The following CNTNAP3B variants were observed in gnomAD, a reference collection of about 807,000 sequenced individuals.
The protein encoded by CNTNAP3B is contactin-associated protein-like 3B.
CNTNAP3B carries 25 observed loss-of-function variants against 108.9 expected under a neutral mutation model. The observed-to-expected ratio is 0.23, with a 90% confidence interval of 0.17 to 0.32. The LOEUF (loss-of-function observed/expected upper bound fraction) is 0.32. Ranked by LOEUF, CNTNAP3B falls within the 10% of genes least tolerant of loss-of-function variation. The pLI is 1.00. For synonymous variants in CNTNAP3B, 103 were observed against 473.4 expected (o/e 0.22, Z 10.16); for missense variants, 252 against 1,210.4 (o/e 0.21, Z 11.75).
intron 13 of CNTNAP3B, among the ~76,000 whole-genome samples, chr9:41,940,187 A>G (rs1333760345): frequency 6.6e-6 from 1 of 152,302 alleles, no homozygotes; most frequent in Non-Finnish European, 1.5e-5. Flanking sequence ...AGAGTACTGA[A>G]AAAATACTGG....
intron 17 of CNTNAP3B, among the ~76,000 whole-genome samples, chr9:41,921,594 TC>T (rs1823668613): frequency 6.6e-6 from 1 of 152,270 alleles, no homozygotes; most frequent in Non-Finnish European, 1.5e-5. Flanking sequence ...TCTGTGTAGC[TC>T]CTACGTTAGA....
chr9:41,967,251 G>A (rs1202550458), intron 10 of CNTNAP3B, among the ~76,000 whole-genome samples: 1 of 152,246 alleles, frequency 6.6e-6, no homozygotes, highest in Non-Finnish European at 1.5e-5. Context: ...GGGAACCTGT[G>A]GGAGGTAACT....
intron 13 of CNTNAP3B, among the ~76,000 whole-genome samples, chr9:41,938,780 T>C (rs1324203010): frequency 6.6e-6 from 1 of 152,300 alleles, no homozygotes; most frequent in African/African-American, 2.4e-5. Flanking sequence ...TGAGAAAGTT[T>C]AATATTATAC....
intron 1 of CNTNAP3B, among the ~76,000 whole-genome samples, chr9:42,108,683 C>T (rs62558877): frequency 0.01 from 1,336 of 128,278 alleles, 192 homozygotes; most frequent in Non-Finnish European, 0.013. Context: ...TTTTGGCTTG[C>T]TGCACTTCCT....
intron 13 of CNTNAP3B, among the ~76,000 whole-genome samples, chr9:41,947,807 C>G (rs1201518953): frequency 6.6e-6 from 1 of 152,230 alleles, no homozygotes; most frequent in Non-Finnish European, 1.5e-5. Context: ...AAAGATGAGA[C>G]AAACTATGAA....
At chr9:41,924,703 T>C (rs1401434174) in intron 15 of CNTNAP3B, among the ~76,000 whole-genome samples, 13 of 150,820 alleles carry the variant, frequency 8.6e-5, no homozygotes, top group Middle Eastern at 3.4e-3. Flanking sequence ...TCTTAATTCC[T>C]TTCATGGCAA....
chr9:42,098,227 A>G (rs1344289527), intron 2 of CNTNAP3B, among the ~76,000 whole-genome samples: 1 of 135,082 alleles, frequency 7.4e-6, no homozygotes, highest in Non-Finnish European at 1.6e-5. Context: ...GAGAAGCAGA[A>G]ACTCTTTGTC....
At chr9:42,054,660 A>G (rs1436161453) in intron 3 of CNTNAP3B, among the ~76,000 whole-genome samples, 2 of 151,724 alleles carry the variant, frequency 1.3e-5, no homozygotes, top group East Asian at 3.9e-4. Context: ...CATTCATTCA[A>G]CATTAAACAT....
At chr9:41,944,034 G>A (rs1301691656) in intron 13 of CNTNAP3B, among the ~76,000 whole-genome samples, 1 of 151,840 alleles carries the variant, frequency 6.6e-6, no homozygotes, top group African/African-American at 2.4e-5. Context: ...AGAAAGTGAA[G>A]TGAAATATTT....
Position 42,121,418 on chromosome 9 carries a change from G to T in CNTNAP3B, c.85+7592C>A, listed in dbSNP as rs1490730121. On this transcript the variant is annotated intron_variant, in intron 1 of 23. Coordinates refer to ENST00000377561, the MANE Select transcript of CNTNAP3B (RefSeq NM_001201380.3). ...CAGTGGACTTTCCAGAATGGAATGT[G>T]GGCAGTATTCTAAAATACTAAATAA... Among the ~76,000 whole-genome samples, 5 of 138,740 alleles carry T rather than the reference G, an allele frequency of 3.6e-5. 1 individual carries two copies. Among genetic ancestry groups the T allele is most frequent in the African/African-American group, 8.6e-5 (3 of 34,980 alleles). 91.0% of individuals were successfully genotyped at this position (138,740 alleles called of 152,430 possible). A position where few individuals can be genotyped will look rare whatever the true frequency, so the allele number is the denominator to read the frequency against.
intron 13 of CNTNAP3B, among the ~76,000 whole-genome samples, chr9:41,947,929 C>T (rs1475582777): frequency 1.3e-5 from 2 of 151,728 alleles, no homozygotes; most frequent in Admixed American, 6.6e-5. Flanking sequence ...GATTAATGGA[C>T]AAATTTCTCA....
chr9:41,925,960 G>T (rs1046483526), intron 15 of CNTNAP3B, among the ~76,000 whole-genome samples: 3 of 152,270 alleles, frequency 2.0e-5, no homozygotes, highest in East Asian at 3.8e-4. Flanking sequence ...ATTTACTAGG[G>T]TGTCATTGCT....
At chr9:42,003,944 G>A (rs1248306376) in intron 4 of CNTNAP3B, among the ~76,000 whole-genome samples, 2 of 141,464 alleles carry the variant, frequency 1.4e-5, no homozygotes, top group African/African-American at 5.4e-5. Context: ...GCAACAGAGA[G>A]AGACTCCCTC....
chr9:41,958,617 C>T (rs1436132984), intron 12 of CNTNAP3B, among the ~76,000 whole-genome samples: 2 of 151,830 alleles, frequency 1.3e-5, no homozygotes, highest in East Asian at 3.9e-4. Context: ...AGCTTCTCAG[C>T]CCTCCCTCCC....
chr9:42,087,114 G>A (rs1827719839), intron 2 of CNTNAP3B, among the ~76,000 whole-genome samples: 1 of 141,668 alleles, frequency 7.1e-6, no homozygotes, highest in African/African-American at 2.7e-5. Flanking sequence ...TAATCAGATT[G>A]TTACTACTAC....
chr9:41,967,819 T>G (rs1320994395), intron 10 of CNTNAP3B, among the ~76,000 whole-genome samples: 1 of 152,280 alleles, frequency 6.6e-6, no homozygotes, highest in African/African-American at 2.4e-5. Context: ...AGCCTTTATT[T>G]GTAGCCCTAT....
intron 4 of CNTNAP3B, among the ~76,000 whole-genome samples, chr9:42,013,002 A>C (rs1277580096): frequency 1.1e-5 from 1 of 93,762 alleles, no homozygotes; most frequent in Non-Finnish European, 2.2e-5. Flanking sequence ...CCCCCAGTAC[A>C]GCTCCTGTTT....
intron 2 of CNTNAP3B, among the ~76,000 whole-genome samples, chr9:42,103,370 A>G (rs1377284696): frequency 6.9e-6 from 1 of 145,318 alleles, no homozygotes; most frequent in Non-Finnish European, 1.5e-5. Context: ...TGTGCAATGC[A>G]TTAAATGTGC....
chr9:42,118,169 C>G (rs1274750437), intron 1 of CNTNAP3B, among the ~76,000 whole-genome samples: 1 of 139,400 alleles, frequency 7.2e-6, no homozygotes, highest in Non-Finnish European at 1.5e-5. Context: ...CTTCCTAACT[C>G]ATTTTATGAG....
Sources: allele counts gnomAD v4.1 joint callset (sites outside exome capture counted in the v4.1 genomes callset), GRCh38; gene constraint gnomAD v4.1.1; transcripts MANE v1.5; gene names NCBI Gene and HGNC (gene_info 2026-07-23, HGNC 2026-07-21).